The following CNIH3 variants were observed in gnomAD, a reference collection of about 807,000 sequenced individuals.
CNIH3 encodes the protein protein cornichon homolog 3.
In CNIH3, 14 loss-of-function variants were observed where a neutral mutation model predicts 24.1. That is an observed-to-expected ratio of 0.58 (90% CI 0.38 to 0.91). The LOEUF is 0.91. Ranked by LOEUF, CNIH3 falls within the 40% of genes least tolerant of loss-of-function variation. The pLI, the probability that CNIH3 is intolerant of heterozygous loss-of-function variation, is 0.00. For missense variants in CNIH3, 178 were observed against 196.8 expected (o/e 0.90, Z 0.57); for synonymous variants, 68 against 73.8 (o/e 0.92, Z 0.40).
At chr1:224,535,612 T>G (rs1169740143) in intron 2 of CNIH3, among the ~76,000 whole-genome samples, 1 of 152,196 alleles carries the variant, frequency 6.6e-6, no homozygotes, top group Non-Finnish European at 1.5e-5. Flanking sequence ...TGTGGGGAAC[T>G]GCATGGTCTG....
At chr1:224,591,126 C>A (rs1456374743), downstream of CNIH3, among the ~76,000 whole-genome samples, 1 of 152,190 alleles carries the variant, frequency 6.6e-6, no homozygotes, top group Non-Finnish European at 1.5e-5. Flanking sequence ...CTAAGCAGGT[C>A]TGTTTAGTGA....
chr1:224,499,901 CAA>C (rs58546932), intron 1 of CNIH3, among the ~76,000 whole-genome samples: 5 of 120,796 alleles, frequency 4.1e-5, no homozygotes, highest in Admixed American at 8.5e-5. Flanking sequence ...CTATCTCTAC[CAA>C]AAAAAAAAAA....
intron 3 of CNIH3, among the ~76,000 whole-genome samples, chr1:224,702,796 G>A (rs888924292): frequency 6.6e-6 from 1 of 152,130 alleles, no homozygotes; most frequent in East Asian, 1.9e-4. Context: ...ACTTCTACTA[G>A]AGACCTTGCA....
At chr1:224,559,191 C>T (rs1402704687) in intron 3 of CNIH3, among the ~76,000 whole-genome samples, 5 of 152,126 alleles carry the variant, frequency 3.3e-5, no homozygotes, top group Admixed American at 1.3e-4. Flanking sequence ...AATTTCTACC[C>T]TTTCTATACT....
At chr1:224,508,614 C>T (rs1363551344) in intron 1 of CNIH3, among the ~76,000 whole-genome samples, 3 of 152,166 alleles carry the variant, frequency 2.0e-5, no homozygotes, top group African/African-American at 7.2e-5. Context: ...GTTTAGTTTC[C>T]TAAGCATAGC....
chr1:224,589,883 C>CTT (rs887320915), downstream of CNIH3, among the ~76,000 whole-genome samples: 1 of 147,736 alleles, frequency 6.8e-6, no homozygotes, highest in African/African-American at 2.5e-5. Context: ...AGGATATCCA[C>CTT]TTTTTTTTTT....
intron 3 of CNIH3, among the ~76,000 whole-genome samples, chr1:224,556,289 C>T (rs1680138008): frequency 6.6e-6 from 1 of 151,810 alleles, no homozygotes; most frequent in African/African-American, 2.4e-5. Context: ...CTTGGATTCT[C>T]ATCCTGTCTG....
At chr1:224,707,664 A>G (rs1687896860) in intron 3 of CNIH3, among the ~76,000 whole-genome samples, 2 of 152,114 alleles carry the variant, frequency 1.3e-5, no homozygotes, top group Admixed American at 1.3e-4. Flanking sequence ...GCAGAATCTC[A>G]TGCCCCACCC....
At chr1:224,551,620 A>C (rs10916635) in intron 3 of CNIH3, among the ~76,000 whole-genome samples, 1 of 151,984 alleles carries the variant, frequency 6.6e-6, no homozygotes, top group Non-Finnish European at 1.5e-5. Flanking sequence ...GTGTGTAAAC[A>C]CTAGATATTA....
chr1:224,565,993 G>T (rs944969122), intron 3 of CNIH3, among the ~76,000 whole-genome samples: 2 of 150,590 alleles, frequency 1.3e-5, no homozygotes, highest in Non-Finnish European at 2.9e-5. Flanking sequence ...TGAATCTTCT[G>T]GAGCACCAGT....
intron 1 of CNIH3, among the ~76,000 whole-genome samples, chr1:224,478,050 G>T (rs554069415): frequency 6.6e-6 from 1 of 152,168 alleles, no homozygotes; most frequent in East Asian, 1.9e-4. Flanking sequence ...GCCATTGTAT[G>T]TTATTTGTTT....
At chr1:224,503,259 C>T (rs1157515147) in intron 1 of CNIH3, among the ~76,000 whole-genome samples, 2 of 152,194 alleles carry the variant, frequency 1.3e-5, no homozygotes, top group African/African-American at 2.4e-5. Flanking sequence ...GCCTGAGGCA[C>T]GGGTGCTGCA....
chr1:224,572,379 G>A (rs1218493079), intron 4 of CNIH3, among the ~76,000 whole-genome samples: 1 of 152,082 alleles, frequency 6.6e-6, no homozygotes, highest in Admixed American at 6.6e-5. Context: ...ATCTGGGCAA[G>A]GTGGCTCACG....
At chr1:224,496,769 A>G (rs1677457187) in intron 1 of CNIH3, among the ~76,000 whole-genome samples, 1 of 152,220 alleles carries the variant, frequency 6.6e-6, no homozygotes, top group East Asian at 1.9e-4. Flanking sequence ...GCAAATCCTT[A>G]TTGAAAACAG....
At chr1:224,548,279 C>A (rs898686206) in intron 3 of CNIH3, among the ~76,000 whole-genome samples, 1 of 151,670 alleles carries the variant, frequency 6.6e-6, no homozygotes, top group African/African-American at 2.4e-5. Flanking sequence ...AATGTACACC[C>A]TATGTGTACA....
intron 1 of CNIH3, among the ~76,000 whole-genome samples, chr1:224,660,173 T>A (rs1042376139): frequency 7.2e-5 from 11 of 152,090 alleles, no homozygotes; most frequent in African/African-American, 2.7e-4. Flanking sequence ...AAAGAAAGAG[T>A]TTTATTTGGA....
At position 224,616,325 on chromosome 1, in the gene CNIH3, A is replaced by G; in HGVS notation, c.-850A>G. On this transcript the variant is annotated 5_prime_UTR_variant, in exon 1 of 6. Coordinates refer to ENST00000272133, the MANE Select transcript of CNIH3 (RefSeq NM_152495.2). ...GCACCGCTACAGTTCTCGCAGTGGC[A>G]AAGGCGGCGGCGGCGGCGGCGGCAG... 1.1e-5 allele frequency: 4 copies of G among 361,872 alleles called. No individual in the cohort carries two copies. Among genetic ancestry groups the G allele is most frequent in the Non-Finnish European group, 1.7e-5 (4 of 240,652 alleles). 22.4% of individuals were successfully genotyped at this position (361,872 alleles called of 1,614,324 possible).
At chr1:224,654,625 A>C (rs969819947) in intron 1 of CNIH3, among the ~76,000 whole-genome samples, 1 of 152,210 alleles carries the variant, frequency 6.6e-6, no homozygotes, top group Non-Finnish European at 1.5e-5. Flanking sequence ...TTGGCTATAC[A>C]CAATAACTCC....
intron 1 of CNIH3, among the ~76,000 whole-genome samples, chr1:224,625,487 CAG>C (rs1683477234): frequency 6.6e-6 from 1 of 152,188 alleles, no homozygotes; most frequent in South Asian, 2.1e-4. Context: ...ACCCAGGAGA[CAG>C]AGCTGGCAGT....
Sources: allele counts gnomAD v4.1 joint callset (sites outside exome capture counted in the v4.1 genomes callset), GRCh38; gene constraint gnomAD v4.1.1; transcripts MANE v1.5; gene names NCBI Gene and HGNC (gene_info 2026-07-23, HGNC 2026-07-21).